The following TRIOBP variants were observed in gnomAD, a reference collection of about 807,000 sequenced individuals.
TRIOBP encodes TRIO and F-actin binding protein, also known as TRIO and F-actin-binding protein.
A neutral mutation model predicts 238.8 loss-of-function variants in TRIOBP; 169 were observed. That is an observed-to-expected ratio of 0.71 (90% CI 0.62 to 0.80). TRIOBP has a LOEUF of 0.80. Among genes scored for constraint, TRIOBP ranks in the 30% least tolerant of loss-of-function variants. The pLI is 0.00. For synonymous variants in TRIOBP, 1,150 were observed against 1,274.4 expected (o/e 0.90, Z 2.08); for missense variants, 2,838 against 3,122.6 (o/e 0.91, Z 2.17).
rs1924599346 is a variant in TRIOBP, at chr22:37,734,977, C to T, written c.4641C>T (p.Tyr1547=). 4.3e-6 allele frequency: 7 copies of T among 1,613,490 alleles called. No homozygotes were observed. Among genetic ancestry groups the T allele is most frequent in the South Asian group, 1.1e-5 (1 of 91,080 alleles). Residue 1547 remains tyrosine (Y), a synonymous_variant, in exon 9 of 24, where the codon TAC becomes TAT. Transcript: ENST00000644935. ...GGGGGGCAGAGGGAGCGTGTCCATA[C>T]CCGCGTGGCTCTGAGAGGCGACCCG... ...VGWGAEGACP[Y]PRGSERRPEL...
chr22:37,710,639 T>C, intron 4 of TRIOBP, 73 bp downstream of exon 4: 1 of 1,537,260 alleles, frequency 6.5e-7, no homozygotes, highest in Non-Finnish European at 8.8e-7. Context: ...TTGCACTCCT[T>C]CCCCAAGGCA....
chr22:37,713,796 G>T (rs994854856), intron 5 of TRIOBP, among the ~76,000 whole-genome samples: 2 of 152,200 alleles, frequency 1.3e-5, no homozygotes, highest in Non-Finnish European at 2.9e-5. Flanking sequence ...GAGTCCCATG[G>T]CCAGCCCTGG....
intron 7 of TRIOBP, among the ~76,000 whole-genome samples, 169 bp from the exon 8 acceptor site, chr22:37,733,129 C>T (rs1286532938): frequency 2.6e-5 from 4 of 152,238 alleles, no homozygotes; most frequent in African/African-American, 4.8e-5. Flanking sequence ...CCCCATTTTT[C>T]AGAAGGGGAA....
chr22:37,719,031 A>G (rs1388391800), intron 6 of TRIOBP, among the ~76,000 whole-genome samples: 1 of 150,818 alleles, frequency 6.6e-6, no homozygotes, highest in African/African-American at 2.4e-5. Context: ...TATTTCTAGT[A>G]GAGACAGGGT....
At chr22:37,717,664 G>A (rs1923593547) in intron 6 of TRIOBP, among the ~76,000 whole-genome samples, 1 of 152,242 alleles carries the variant, frequency 6.6e-6, no homozygotes, top group African/African-American at 2.4e-5. Context: ...GCTGATTGGT[G>A]TGTTTACAAA....
At chr22:37,760,790 A>G (rs758912448) in intron 17 of TRIOBP, among the ~76,000 whole-genome samples, 1 of 152,106 alleles carries the variant, frequency 6.6e-6, no homozygotes, top group African/African-American at 2.4e-5. Flanking sequence ...CCTGGCCAAC[A>G]TGGTGAAACT....
chr22:37,727,643 G>C (rs974175376), intron 7 of TRIOBP, among the ~76,000 whole-genome samples: 16 of 152,084 alleles, frequency 1.1e-4, no homozygotes, highest in Non-Finnish European at 2.4e-4. Flanking sequence ...ACTCCAACCT[G>C]GGTGACAGAG....
Position 37,758,069 on chromosome 22 carries a change from C to A in TRIOBP, c.6144C>A (p.Ala2048=). ...AGAATAAGCGGGTGCCCCTCACTGC[C>A]CTGCTCAACCAAAGCCGCGGAGAGC... The part of the protein sequence containing the change: ...LRENKRVPLT[A]LLNQSRGERR... The change falls in exon 16 of 24, where the codon GCC becomes GCA. Residue 2048 remains alanine (A), a synonymous_variant. Transcript: ENST00000644935. 1 of 1,611,728 alleles carries A rather than the reference C, an allele frequency of 6.2e-7. No homozygotes were observed. Among genetic ancestry groups the A allele is most frequent in the Non-Finnish European group, 8.5e-7 (1 of 1,179,850 alleles).
chr22:37,765,924 A>C, intron 18 of TRIOBP, 107 bp downstream of exon 18: 22 of 1,400,216 alleles, frequency 1.6e-5, no homozygotes, highest in South Asian at 2.8e-5. Flanking sequence ...TAGGGGTCTC[A>C]GTGCCACATT....
rs200646548 is a variant in TRIOBP at position 37,726,021 on chromosome 22, C to G, written c.3465C>G (p.His1155Gln). The G allele has an allele frequency of 6.2e-7, 1 of 1,606,988 alleles. No homozygotes were observed. Among genetic ancestry groups the G allele is most frequent in the East Asian group, 2.3e-5 (1 of 44,020 alleles). The change falls in exon 7 of 24, where the codon CAC (histidine) becomes CAG (glutamine). Residue 1155 changes from histidine (H) to glutamine (Q), a missense_variant. Physicochemically the swap from His to Gln is conservative, Grantham distance 24 (BLOSUM62 0). Coordinates refer to ENST00000644935, the MANE Select transcript of TRIOBP (RefSeq NM_001039141.3). The part of the protein sequence containing the change: ...ESLVPSMDSL[H>Q]ECPHIPTPVC... ...TTGTCCCTTCCATGGACTCTCTGCA[C>G]GAGTGCCCCCACATCCCCACCCCTG...
intron 6 of TRIOBP, among the ~76,000 whole-genome samples, chr22:37,719,932 C>A (rs1923730881): frequency 1.0e-5 from 1 of 96,770 alleles, no homozygotes; most frequent in Non-Finnish European, 2.4e-5. Flanking sequence ...TACAACCCAG[C>A]CCTCTACTGC....
chr22:37,740,485 C>T (rs1364044019), intron 10 of TRIOBP, among the ~76,000 whole-genome samples: 2 of 152,182 alleles, frequency 1.3e-5, no homozygotes, highest in Admixed American at 6.5e-5. Flanking sequence ...TAGCTGTTGC[C>T]ATGGGGAAGA....
At chr22:37,767,238 G>A (rs945472410) in intron 18 of TRIOBP, among the ~76,000 whole-genome samples, 10 of 81,830 alleles carry the variant, frequency 1.2e-4, no homozygotes, top group African/African-American at 3.4e-5. Flanking sequence ...GTGACAGAGT[G>A]AGACTCCGTC....
At chr22:37,717,342 C>T (rs144927639) in intron 6 of TRIOBP, among the ~76,000 whole-genome samples, 8,179 of 152,232 alleles carry the variant, frequency 0.054, 313 homozygotes, top group Non-Finnish European at 0.082. Context: ...AGCGAAAGAA[C>T]AAAGCTTCCA....
chr22:37,726,501 C>A lies in TRIOBP; in HGVS notation c.3945C>A (p.Arg1315=). 2 of 1,501,186 alleles carry A rather than the reference C, an allele frequency of 1.3e-6. No homozygotes were observed. The highest frequency in any genetic ancestry group is 8.8e-7 in the Non-Finnish European group (1 of 1,130,750). 93.0% of individuals were successfully genotyped at this position (1,501,186 alleles called of 1,614,324 possible). Residue 1315 remains arginine, a splice_region_variant and synonymous_variant, in exon 7 of 24, where the codon CGC becomes CGA. Transcript: ENST00000644935. ...TGGAGCGCCTCTTCGGGCAAGAGCG[C>A]AGGTGAGCCCGGGGGTGGGGTCAGC... ...AEVERLFGQE[R]RKSEAAGAFQ...
Position 37,702,634 on chromosome 22 carries a change from C to CTTTTT in TRIOBP, c.114+1175_114+1179dup, listed in dbSNP as rs34625454. 3.5e-3 allele frequency among the ~76,000 whole-genome samples: 286 copies of CTTTTT among 81,198 alleles called. 3 individuals are homozygous for CTTTTT. The highest frequency in any genetic ancestry group is 0.011 in the African/African-American group (226 of 20,076). The allele number at this position is 81,198 out of a possible 152,430, so 53.3% of individuals were successfully genotyped here. A position where few individuals can be genotyped will look rare whatever the true frequency, so the allele number is the denominator to read the frequency against. On this transcript the variant is annotated intron_variant, in intron 3 of 23. Coordinates refer to ENST00000644935, the MANE Select transcript of TRIOBP (RefSeq NM_001039141.3). Reference sequence around the variant, plus strand: ...ATCTAGAGATTTTCTTTCTCTCTCTCTTTTTTTTTTTTTTTTTTTTTTTTG... The same window carrying CTTTTT: ...ATCTAGAGATTTTCTTTCTCTCTCTCTTTTTTTTTTTTTTTTTTTTTTTTTTTTTG...
At chr22:37,756,778 G>A (rs1267743211) in intron 15 of TRIOBP, among the ~76,000 whole-genome samples, 1 of 145,076 alleles carries the variant, frequency 6.9e-6, no homozygotes, top group Admixed American at 6.6e-5. Context: ...GGGTGACCAC[G>A]TACCCAGCTA....
intron 4 of TRIOBP, 120 bp downstream of exon 4, chr22:37,710,686 G>C: frequency 7.2e-7 from 1 of 1,392,890 alleles, no homozygotes; most frequent in Non-Finnish European, 9.6e-7. Flanking sequence ...TGGGTCACGT[G>C]GTCAGTCCTC....
chr22:37,733,430 T>C lies in TRIOBP; in HGVS notation c.4062+18T>C. ...GCAGGCAGGTGAGCACTGCCAGCTG[T>C]CTGGGGCCCCGCACCCCAAGGGGCG... On this transcript the variant is annotated intron_variant, in intron 8 of 23. Coordinates refer to ENST00000644935, the MANE Select transcript of TRIOBP (RefSeq NM_001039141.3). 6.5e-7 allele frequency: 1 copy of C among 1,543,500 alleles called. No homozygotes were observed. Among genetic ancestry groups the C allele is most frequent in the Non-Finnish European group, 8.8e-7 (1 of 1,140,730 alleles).
Sources: gnomAD v4.1 joint callset for allele counts (sites outside exome capture counted in the v4.1 genomes callset) on GRCh38, gnomAD v4.1.1 for gene constraint, MANE v1.5 for transcripts, NCBI Gene and HGNC (gene_info 2026-07-23, HGNC 2026-07-21) for gene names.